Variants in KCNQ1OT1 observed in about 807,000 individuals in gnomAD.
The protein encoded by KCNQ1OT1 is KCNQ1 antisense RNA 2 (non-protein coding).
chr11:2,644,288 A>T (rs1849630577), exon 1 of KCNQ1OT1: 2 of 397,946 alleles, frequency 5.0e-6, no homozygotes, highest in African/African-American at 4.1e-5. Flanking sequence ...TTTTTTCTAT[A>T]TTTTTGTCTG....
rs780525950 is a variant in KCNQ1OT1, at chr11:2,664,611, G to A, written n.35384C>T. 30 of 398,652 alleles carry A rather than the reference G, an allele frequency of 7.5e-5. No individual in the cohort carries two copies. Among genetic ancestry groups the A allele is most frequent in the Middle Eastern group, 6.3e-4 (1 of 1,590 alleles). 24.7% of individuals were successfully genotyped at this position (398,652 alleles called of 1,614,324 possible). A position where few individuals can be genotyped will look rare whatever the true frequency, so the allele number is the denominator to read the frequency against. Reference sequence around the variant, plus strand: ...CATTCCTCCACCTCCTGCACAGCCCGCCCAGTGATGCCCATAATTAAATTC... The same window carrying A: ...CATTCCTCCACCTCCTGCACAGCCCACCCAGTGATGCCCATAATTAAATTC... On this transcript the variant is annotated non_coding_transcript_exon_variant, in exon 1 of 1. Transcript: ENST00000597346. This position sits in a 1 kb window ranked among gnomAD's most constrained non-coding sequence, Gnocchi z 5.1.
In KCNQ1OT1 at chr11:2,647,427, G is replaced by A. The variant is rs1849683438; in HGVS notation, n.52568C>T. The A allele has an allele frequency of 2.5e-6, 1 of 398,524 alleles. No homozygotes were observed. Among genetic ancestry groups the A allele is most frequent in the East Asian group, 3.6e-5 (1 of 28,052 alleles). The allele number at this position is 398,524 out of a possible 1,614,324, so 24.7% of individuals were successfully genotyped here. A position where few individuals can be genotyped will look rare whatever the true frequency, so the allele number is the denominator to read the frequency against. On this transcript the variant is annotated non_coding_transcript_exon_variant, in exon 1 of 1. Transcript: ENST00000597346. The surrounding 1 kb of genome is among the most constrained non-coding windows in gnomAD (Gnocchi z 4.0). The stretch of plus-strand genomic sequence containing the variant: ...TTGTTTCTGAGGATTCTGCATCTAT[G>A]TTCATCAGGGAGATTGGCCTGTAGT...
In KCNQ1OT1 at chr11:2,651,992, AGTT is replaced by A; in HGVS notation, n.48000_48002del. 1 of 398,670 alleles carries A rather than the reference AGTT, an allele frequency of 2.5e-6. No individual in the cohort carries two copies. The highest frequency in any genetic ancestry group is 4.4e-6 in the Non-Finnish European group (1 of 226,098). The allele number at this position is 398,670 out of a possible 1,614,324, so 24.7% of individuals were successfully genotyped here. On this transcript the variant is annotated non_coding_transcript_exon_variant, in exon 1 of 1. Transcript: ENST00000597346. The surrounding 1 kb of genome is among the most constrained non-coding windows in gnomAD (Gnocchi z 6.1). Reference sequence around the variant, plus strand: ...AGCTGAGTTGATTACTTTTGACATCAGTTGTTAACATAATTTTGATGTTGAGCC... The same window carrying A: ...AGCTGAGTTGATTACTTTTGACATCAGTTAACATAATTTTGATGTTGAGCC...
rs1269984688 is a variant in KCNQ1OT1, at chr11:2,615,526, T to TATA, written n.84468_84469insTAT. The TATA allele has an allele frequency of 7.5e-6, 3 of 398,070 alleles. No individual in the cohort carries two copies. The East Asian group carries it at 1.1e-4, about 14-fold the overall frequency. 24.7% of individuals were successfully genotyped at this position (398,070 alleles called of 1,614,324 possible). On this transcript the variant is annotated non_coding_transcript_exon_variant, in exon 1 of 1. Transcript: ENST00000597346. ...CAGTTTTTTTTCTCATTAAGTATAT[T>TATA]AGTTGTGGATTTTTCACAAATCCTC...
exon 1 of KCNQ1OT1, chr11:2,692,780 T>G (rs1850609499): frequency 2.5e-6 from 1 of 398,668 alleles, no homozygotes; most frequent in Admixed American, 4.4e-5. Context: ...GCTGAGTGTT[T>G]GACAAATATT....
Position 2,695,618 on chromosome 11 carries a change from C to A in KCNQ1OT1, n.4377G>T. 1 of 398,550 alleles carries A rather than the reference C, an allele frequency of 2.5e-6. No individual in the cohort carries two copies. The highest frequency in any genetic ancestry group is 6.3e-4 in the Middle Eastern group (1 of 1,588). The allele number at this position is 398,550 out of a possible 1,614,324, so 24.7% of individuals were successfully genotyped here. ...GGTGAGAACTGCTCCAGCATGTTTA[C>A]TTAGGAGGGAAACTGCTGGGCCACA... On this transcript the variant is annotated non_coding_transcript_exon_variant, in exon 1 of 1. Coordinates refer to ENST00000597346, the Ensembl canonical transcript of KCNQ1OT1. The surrounding 1 kb of genome is among the most constrained non-coding windows in gnomAD (Gnocchi z 5.2).
chr11:2,697,616 T>G (rs529837233), exon 1 of KCNQ1OT1: 1 of 398,612 alleles, frequency 2.5e-6, no homozygotes, highest in South Asian at 1.3e-4. Context: ...TTTTTCTGCC[T>G]CTATTGAGGG....
At chr11:2,614,806 G>A (rs556543283) in exon 1 of KCNQ1OT1, 1 of 398,410 alleles carries the variant, frequency 2.5e-6, no homozygotes, top group African/African-American at 2.1e-5. Context: ...CTTTGTAAAA[G>A]TTTTGAAAAT....
chr11:2,651,192 A>ACCCT lies in KCNQ1OT1; in HGVS notation n.48802_48803insAGGG. On this transcript the variant is annotated non_coding_transcript_exon_variant, in exon 1 of 1. Coordinates refer to ENST00000597346, the Ensembl canonical transcript of KCNQ1OT1. The surrounding 1 kb of genome is among the most constrained non-coding windows in gnomAD (Gnocchi z 6.1). ...TGCTTCCCTACTCAAATGTTCCGAC[A>ACCCT]GCTTCCTGTCACCCTGTCTTGTGTC... 2.5e-6 allele frequency: 1 copy of ACCCT among 397,042 alleles called. No homozygotes were observed. Among genetic ancestry groups the ACCCT allele is most frequent in the East Asian group, 3.6e-5 (1 of 28,076 alleles). 24.6% of individuals were successfully genotyped at this position (397,042 alleles called of 1,614,324 possible).
chr11:2,696,203 G>T, exon 1 of KCNQ1OT1: 1 of 398,602 alleles, frequency 2.5e-6, no homozygotes, highest in Non-Finnish European at 4.4e-6. Context: ...TGGCCCTGGA[G>T]ATTATTCATT....
At chr11:2,615,828 T>G (rs1849052405) in exon 1 of KCNQ1OT1, 1 of 398,042 alleles carries the variant, frequency 2.5e-6, no homozygotes, top group Non-Finnish European at 4.4e-6. Context: ...AGTTTGTCTT[T>G]TCTTGTGGTA....
exon 1 of KCNQ1OT1, chr11:2,632,116 G>C (rs1255777478): frequency 2.6e-6 from 1 of 391,110 alleles, no homozygotes; most frequent in African/African-American, 2.1e-5. Flanking sequence ...TCGGGAGGCA[G>C]AGCTTGCAGT....
chr11:2,646,611 C>T, exon 1 of KCNQ1OT1: 1 of 398,680 alleles, frequency 2.5e-6, no homozygotes, highest in East Asian at 3.6e-5. Context: ...CTGCAACCTT[C>T]ACCTCCGAGG....
chr11:2,620,959 T>G lies in KCNQ1OT1; in HGVS notation n.79036A>C, dbSNP rs973977116. ...TGTTGTTTTGTTTTGTTTTTTTTTGTCTGTTTTTTGCTTTTTTGTTTGTTT... is the reference window on the plus strand; with the variant it reads ...TGTTGTTTTGTTTTGTTTTTTTTTGGCTGTTTTTTGCTTTTTTGTTTGTTT... On this transcript the variant is annotated non_coding_transcript_exon_variant, in exon 1 of 1. Coordinates refer to ENST00000597346, the Ensembl canonical transcript of KCNQ1OT1. This position sits in a 1 kb window ranked among gnomAD's most constrained non-coding sequence, Gnocchi z 4.5. 2 of 396,586 alleles carry G rather than the reference T, an allele frequency of 5.0e-6. No homozygotes were observed. The highest frequency in any genetic ancestry group is 8.9e-6 in the Non-Finnish European group (2 of 225,634). The allele number at this position is 396,586 out of a possible 1,614,324, so 24.6% of individuals were successfully genotyped here.
rs1850132056 is a variant in KCNQ1OT1, at chr11:2,668,928, T to A, written n.31067A>T. Reference sequence around the variant, plus strand: ...TATTCTAAAGCTTTATTAGCTCACCTTTCCCATGTAGATCTGCACTCCATC... The same window carrying A: ...TATTCTAAAGCTTTATTAGCTCACCATTCCCATGTAGATCTGCACTCCATC... On this transcript the variant is annotated non_coding_transcript_exon_variant, in exon 1 of 1. Coordinates refer to ENST00000597346, the Ensembl canonical transcript of KCNQ1OT1. This position sits in a 1 kb window ranked among gnomAD's most constrained non-coding sequence, Gnocchi z 4.3. The A allele has an allele frequency of 5.0e-6, 2 of 398,528 alleles. No individual in the cohort carries two copies. Among genetic ancestry groups the A allele is most frequent in the African/African-American group, 4.1e-5 (2 of 48,612 alleles). The allele number at this position is 398,528 out of a possible 1,614,324, so 24.7% of individuals were successfully genotyped here. A position where few individuals can be genotyped will look rare whatever the true frequency, so the allele number is the denominator to read the frequency against.
chr11:2,677,902 G>A lies in KCNQ1OT1; in HGVS notation n.22093C>T, dbSNP rs187251971. On this transcript the variant is annotated non_coding_transcript_exon_variant, in exon 1 of 1. Transcript: ENST00000597346. The surrounding 1 kb of genome is among the most constrained non-coding windows in gnomAD (Gnocchi z 4.5). ...CTTTCTTCCCCCACCCTTACCAAGT[G>A]TATACTCAGGTTTTTATCTTCATTC... 9 of 398,484 alleles carry A rather than the reference G, an allele frequency of 2.3e-5. No homozygotes were observed. Among genetic ancestry groups the A allele is most frequent in the East Asian group, 1.4e-4 (4 of 28,044 alleles). 24.7% of individuals were successfully genotyped at this position (398,484 alleles called of 1,614,324 possible).
exon 1 of KCNQ1OT1, chr11:2,643,066 C>T (rs1484045753): frequency 2.5e-6 from 1 of 397,772 alleles, no homozygotes; most frequent in Non-Finnish European, 4.4e-6. Flanking sequence ...TAAAATCATA[C>T]TTAGTGTCCT....
chr11:2,614,354 T>G (rs1453345337), exon 1 of KCNQ1OT1: 6 of 398,470 alleles, frequency 1.5e-5, no homozygotes, highest in Non-Finnish European at 2.2e-5. Context: ...GTGCACCCTT[T>G]AAATTTTTTA....
chr11:2,639,490 T>C (rs1021534974), exon 1 of KCNQ1OT1: 4 of 152,394 alleles, frequency 2.6e-5, no homozygotes, highest in Non-Finnish European at 4.4e-5. Context: ...CAGACCCTGT[T>C]TGCCTGGGTA....
Sources: allele counts gnomAD v4.1 joint callset, GRCh38; gene constraint gnomAD v4.1.1; non-coding constraint Gnocchi (gnomAD v3.1); transcripts MANE v1.5; gene names NCBI Gene and HGNC (gene_info 2026-07-23, HGNC 2026-07-21).